The following KIRREL1 variants were observed in gnomAD, a reference collection of about 807,000 sequenced individuals.
KIRREL1 encodes the protein kirre like nephrin family adhesion molecule 1.
A neutral mutation model predicts 83.3 loss-of-function variants in KIRREL1; 25 were observed. That is an observed-to-expected ratio of 0.30 (90% CI 0.22 to 0.42). The LOEUF is 0.42. Among genes scored for constraint, KIRREL1 ranks in the 10% least tolerant of loss-of-function variants. The pLI, the probability that KIRREL1 is intolerant of heterozygous loss-of-function variation, is 1.00. For missense variants in KIRREL1, 812 were observed against 1,032.3 expected (o/e 0.79, Z 2.92); for synonymous variants, 388 against 410.4 (o/e 0.95, Z 0.66).
At chr1:158,079,614 C>T (rs1279211420) in intron 3 of KIRREL1, among the ~76,000 whole-genome samples, 2 of 152,234 alleles carry the variant, frequency 1.3e-5, no homozygotes, top group Non-Finnish European at 2.9e-5. Context: ...GGCCACTGTG[C>T]CCAGCCTGTT....
chr1:157,996,272 TC>T (rs1659197129), intron 1 of KIRREL1, among the ~76,000 whole-genome samples: 1 of 151,976 alleles, frequency 6.6e-6, no homozygotes, highest in Admixed American at 6.6e-5. Context: ...CCATTATCCT[TC>T]CCCCCGTTTC....
chr1:158,044,425 A>T (rs1660719776), intron 1 of KIRREL1, among the ~76,000 whole-genome samples: 1 of 152,222 alleles, frequency 6.6e-6, no homozygotes, highest in Non-Finnish European at 1.5e-5. Flanking sequence ...ACAGTGGTGA[A>T]GCTTCCAAAA....
At chr1:158,092,781 T>C (rs941940715) in intron 11 of KIRREL1, among the ~76,000 whole-genome samples, 3 of 152,144 alleles carry the variant, frequency 2.0e-5, no homozygotes, top group African/African-American at 2.4e-5. Flanking sequence ...TGGATTCAAC[T>C]AGGGCTGCTA....
intron 1 of KIRREL1, among the ~76,000 whole-genome samples, chr1:158,005,434 AC>A (rs552385421): frequency 6.6e-6 from 1 of 151,254 alleles, no homozygotes; most frequent in Non-Finnish European, 1.5e-5. Flanking sequence ...GCTCCATGCC[AC>A]CCACCCCACC....
intron 1 of KIRREL1, among the ~76,000 whole-genome samples, chr1:158,031,490 A>G (rs1225659531): frequency 6.6e-6 from 1 of 152,186 alleles, no homozygotes; most frequent in Non-Finnish European, 1.5e-5. Context: ...GGATGGAAGG[A>G]GTCAGAAGAG....
At chr1:158,010,709 C>A (rs1659664641) in intron 1 of KIRREL1, among the ~76,000 whole-genome samples, 1 of 152,124 alleles carries the variant, frequency 6.6e-6, no homozygotes, top group Non-Finnish European at 1.5e-5. Context: ...ATCAAGGGCC[C>A]TCCACCCTTC....
intron 1 of KIRREL1, among the ~76,000 whole-genome samples, chr1:158,053,681 C>T (rs1308631211): frequency 6.6e-6 from 1 of 152,222 alleles, no homozygotes; most frequent in Admixed American, 6.5e-5. Context: ...AACACCAGAG[C>T]TGATGATTGA....
chr1:158,086,142 A>C (rs1662006602), intron 4 of KIRREL1, among the ~76,000 whole-genome samples: 1 of 152,122 alleles, frequency 6.6e-6, no homozygotes, highest in African/African-American at 2.4e-5. Context: ...CTCTAATGCA[A>C]GGTGTTAAGG....
chr1:158,054,335 T>C (rs889896359), intron 1 of KIRREL1, among the ~76,000 whole-genome samples: 1 of 151,870 alleles, frequency 6.6e-6, no homozygotes, highest in Non-Finnish European at 1.5e-5. Flanking sequence ...ATCTCTTTCA[T>C]AGAAGTTATA....
chr1:158,023,280 G>T (rs901224817), intron 1 of KIRREL1, among the ~76,000 whole-genome samples: 1 of 152,144 alleles, frequency 6.6e-6, no homozygotes, highest in Non-Finnish European at 1.5e-5. Context: ...CCCTCTTATT[G>T]ATGGTGAGGG....
chr1:158,002,419 T>A (rs1659387134), intron 1 of KIRREL1, among the ~76,000 whole-genome samples: 2 of 152,200 alleles, frequency 1.3e-5, no homozygotes, highest in African/African-American at 4.8e-5. Context: ...TACATGTGCA[T>A]TTAGGAGCTG....
At chr1:158,088,772 C>A (rs932660993) in intron 8 of KIRREL1, among the ~76,000 whole-genome samples, 2 of 152,204 alleles carry the variant, frequency 1.3e-5, no homozygotes, top group Non-Finnish European at 2.9e-5. Flanking sequence ...GCGTGAGCCA[C>A]CGCGCCCGGC....
intron 1 of KIRREL1, among the ~76,000 whole-genome samples, chr1:158,040,158 C>T (rs2101577508): frequency 6.6e-6 from 1 of 152,354 alleles, no homozygotes; most frequent in East Asian, 1.9e-4. Context: ...CATTCATTCA[C>T]TCATGCATTC....
chr1:158,067,786 T>C (rs1661394325), intron 1 of KIRREL1, among the ~76,000 whole-genome samples: 1 of 152,136 alleles, frequency 6.6e-6, no homozygotes, highest in African/African-American at 2.4e-5. Flanking sequence ...CCTCTTGAGG[T>C]GACTAATCCA....
chr1:158,095,211 C>A lies in KIRREL1; in HGVS notation c.*91C>A. 1 of 926,422 alleles carries A rather than the reference C, an allele frequency of 1.1e-6. No individual in the cohort carries two copies. Among genetic ancestry groups the A allele is most frequent in the Non-Finnish European group, 1.6e-6 (1 of 626,994 alleles). The allele number at this position is 926,422 out of a possible 1,614,324, so 57.4% of individuals were successfully genotyped here. On this transcript the variant is annotated 3_prime_UTR_variant, in exon 15 of 15. Transcript: ENST00000359209. ...TATTCAGGGGCATTGCTCATTGCTC[C>A]CTTCTCGGACCAGCCTTCTTCCTCC...
chr1:158,097,272 G>A lies in KIRREL1; in HGVS notation c.*2152G>A, dbSNP rs1444951960. On this transcript the variant is annotated 3_prime_UTR_variant, in exon 15 of 15. Transcript: ENST00000359209. ...ATTTTCACAAAAACCAGAAACCATGGGGGAATCCAAAGACTTGAAGTCTAA... is the reference window on the plus strand; with the variant it reads ...ATTTTCACAAAAACCAGAAACCATGAGGGAATCCAAAGACTTGAAGTCTAA... 5 of 217,836 alleles carry A rather than the reference G, an allele frequency of 2.3e-5. No individual in the cohort carries two copies. Among genetic ancestry groups the A allele is most frequent in the African/African-American group, 3.7e-5 (1 of 27,020 alleles). 13.5% of individuals were successfully genotyped at this position (217,836 alleles called of 1,614,324 possible).
intron 1 of KIRREL1, among the ~76,000 whole-genome samples, chr1:158,042,099 C>G (rs753075268): frequency 6.6e-6 from 1 of 152,084 alleles, no homozygotes; most frequent in Admixed American, 6.5e-5. Context: ...CCAGAGCTCT[C>G]GATGTCACAG....
chr1:158,029,369 A>ATGTGTGTGTGTGTGTG (rs1218198001), intron 1 of KIRREL1, among the ~76,000 whole-genome samples: 17,616 of 144,872 alleles, frequency 0.12, 1,174 homozygotes, highest in Middle Eastern at 0.14. Context: ...GTGTGTGTGC[A>ATGTGTGTGTGTGTGTG]CGTGCGCGCG....
intron 1 of KIRREL1, among the ~76,000 whole-genome samples, chr1:158,068,223 CT>C (rs1661408749): frequency 6.6e-6 from 1 of 152,182 alleles, no homozygotes. Flanking sequence ...GATAATAGTC[CT>C]TAAATGTTTA....
Sources: allele counts gnomAD v4.1 joint callset (sites outside exome capture counted in the v4.1 genomes callset), GRCh38; gene constraint gnomAD v4.1.1; transcripts MANE v1.5; gene names NCBI Gene and HGNC (gene_info 2026-07-23, HGNC 2026-07-21).